ADARB2: variants seen among roughly 807,000 people sequenced by gnomAD.
The protein encoded by ADARB2 is adenosine deaminase RNA specific B2 (inactive), also known as inactive double-stranded RNA-specific editase B2.
A neutral mutation model predicts 62.2 loss-of-function variants in ADARB2; 25 were observed. The ratio of observed to expected loss-of-function variants is 0.40; its 90% CI spans 0.29 to 0.56. The LOEUF (loss-of-function observed/expected upper bound fraction) is 0.56. Among genes scored for constraint, ADARB2 ranks in the 20% least tolerant of loss-of-function variants. The pLI, the probability that ADARB2 is intolerant of heterozygous loss-of-function variation, is 0.43. For missense variants in ADARB2, 1,071 were observed against 1,077.4 expected, an observed-to-expected ratio of 0.99 and a Z score of 0.08; for synonymous variants, 572 against 500.8, an observed-to-expected ratio of 1.14 and a Z score of -1.90.
intron 8 of ADARB2, among the ~76,000 whole-genome samples, chr10:1,189,756 G>A (rs1352734369): frequency 6.7e-6 from 1 of 149,914 alleles, no homozygotes; most frequent in Non-Finnish European, 1.5e-5. Context: ...AACACGTGGC[G>A]CTACCTCCTT....
chr10:1,681,115 C>G (rs987520044), intron 1 of ADARB2, among the ~76,000 whole-genome samples: 1 of 152,234 alleles, frequency 6.6e-6, no homozygotes, highest in African/African-American at 2.4e-5. Context: ...AAGGACGCAG[C>G]AACCTCATCT....
At chr10:1,313,788 T>C (rs962537146) in intron 3 of ADARB2, among the ~76,000 whole-genome samples, 2 of 152,186 alleles carry the variant, frequency 1.3e-5, no homozygotes, top group Non-Finnish European at 2.9e-5. Context: ...GTGCAGAGGT[T>C]TCACAGAAAC....
At chr10:1,484,460 T>A (rs371070966) in intron 1 of ADARB2, among the ~76,000 whole-genome samples, 1 of 152,372 alleles carries the variant, frequency 6.6e-6, no homozygotes, top group South Asian at 2.1e-4. Context: ...CACGCTGTCG[T>A]CCCTTCCTGT....
At chr10:1,575,577 G>A (rs1832999629) in intron 1 of ADARB2, among the ~76,000 whole-genome samples, 3 of 152,214 alleles carry the variant, frequency 2.0e-5, no homozygotes, top group African/African-American at 2.4e-5. Flanking sequence ...AGACACATGC[G>A]TGCAGACGCT....
chr10:1,413,751 C>T (rs993600322), intron 1 of ADARB2, among the ~76,000 whole-genome samples: 6 of 152,162 alleles, frequency 3.9e-5, no homozygotes, highest in Non-Finnish European at 5.9e-5. Context: ...ATGATGCTCC[C>T]GGGCACAATG....
At chr10:1,248,241 C>T (rs540606543) in intron 4 of ADARB2, among the ~76,000 whole-genome samples, 3 of 150,378 alleles carry the variant, frequency 2.0e-5, no homozygotes, top group Non-Finnish European at 4.4e-5. Flanking sequence ...CACTCCCAGG[C>T]GTGCAGGAGG....
At chr10:1,650,435 G>A (rs1834095510) in intron 1 of ADARB2, among the ~76,000 whole-genome samples, 1 of 152,170 alleles carries the variant, frequency 6.6e-6, no homozygotes, top group South Asian at 2.1e-4. Context: ...ACTGAAGGGG[G>A]TGGAGAATGG....
intron 4 of ADARB2, among the ~76,000 whole-genome samples, chr10:1,252,547 G>C (rs1172314195): frequency 3.3e-5 from 5 of 152,130 alleles, no homozygotes; most frequent in Non-Finnish European, 7.3e-5. Flanking sequence ...TCTCCTTGTG[G>C]TTGGTATTCT....
At chr10:1,480,799 A>G (rs1279179710) in intron 1 of ADARB2, among the ~76,000 whole-genome samples, 2 of 152,236 alleles carry the variant, frequency 1.3e-5, no homozygotes, top group Non-Finnish European at 2.9e-5. Context: ...ACTGAAAACT[A>G]CAAAACATTG....
intron 1 of ADARB2, among the ~76,000 whole-genome samples, chr10:1,422,352 G>C (rs1487349963): frequency 6.6e-6 from 1 of 152,202 alleles, no homozygotes; most frequent in Non-Finnish European, 1.5e-5. Flanking sequence ...GGTGGAATAA[G>C]GACTCGGGAG....
chr10:1,576,168 TTC>T (rs1833018484), intron 1 of ADARB2, among the ~76,000 whole-genome samples: 1 of 41,580 alleles, frequency 2.4e-5, no homozygotes, highest in African/African-American at 1.0e-4. Context: ...AGGAGGGGGG[TTC>T]AGGGTCACAG....
intron 1 of ADARB2, among the ~76,000 whole-genome samples, chr10:1,670,473 T>A (rs1402506737): frequency 1.3e-5 from 2 of 152,226 alleles, no homozygotes; most frequent in African/African-American, 4.8e-5. Flanking sequence ...TTGGCTTCCC[T>A]TGAAACACCA....
At chr10:1,715,743 G>A (rs1835008679) in intron 1 of ADARB2, among the ~76,000 whole-genome samples, 1 of 152,242 alleles carries the variant, frequency 6.6e-6, no homozygotes, top group African/African-American at 2.4e-5. Flanking sequence ...CACTCCTGGA[G>A]CGACCAGCTG....
At chr10:1,505,228 C>T (rs933893138) in intron 1 of ADARB2, among the ~76,000 whole-genome samples, 4 of 152,172 alleles carry the variant, frequency 2.6e-5, no homozygotes, top group Admixed American at 2.6e-4. Flanking sequence ...CACAGAAACA[C>T]ACACACCAAT....
intron 4 of ADARB2, among the ~76,000 whole-genome samples, chr10:1,246,238 C>T (rs1221124598): frequency 6.6e-6 from 1 of 151,628 alleles, no homozygotes; most frequent in Non-Finnish European, 1.5e-5. Flanking sequence ...TGGATATTAG[C>T]CCTTTGTCAG....
At chr10:1,510,132 C>CTTTCTT (rs1382376163) in intron 1 of ADARB2, among the ~76,000 whole-genome samples, 1 of 123,750 alleles carries the variant, frequency 8.1e-6, no homozygotes, top group Non-Finnish European at 1.6e-5. Flanking sequence ...TTCTTTCTTT[C>CTTTCTT]TTTCTTTCTT....
chr10:1,233,802 T>C lies in ADARB2; in HGVS notation c.1405A>G (p.Lys469Glu). 9 of 1,614,002 alleles carry C rather than the reference T, an allele frequency of 5.6e-6. No homozygotes were observed. The highest frequency in any genetic ancestry group is 1.1e-5 in the South Asian group (1 of 91,066). The change falls in exon 6 of 10, where the codon AAA becomes GAA. Residue 469 changes from lysine (K) to glutamate (E), a missense_variant. Coordinates refer to ENST00000381312, the MANE Select transcript of ADARB2 (RefSeq NM_018702.4). ...TCTCGCAGCCGGTAGCCACCTTCTTTTAACCGCACGAATATCGATCGCTCT... is the reference window on the plus strand; with the variant it reads ...TCTCGCAGCCGGTAGCCACCTTCTTCTAACCGCACGAATATCGATCGCTCT... ...DSERSIFVRL[K>E]EGGYRLRENI...
At chr10:1,200,302 C>G in intron 7 of ADARB2, 155 bp from the exon 8 acceptor site, 1 of 932,396 alleles carries the variant, frequency 1.1e-6, no homozygotes, top group South Asian at 1.4e-5. Context: ...CCCAACCCAG[C>G]CATCACTGGG....
intron 1 of ADARB2, among the ~76,000 whole-genome samples, chr10:1,422,447 G>T (rs540557892): frequency 5.9e-5 from 9 of 152,166 alleles, no homozygotes; most frequent in Non-Finnish European, 1.3e-4. Flanking sequence ...GGCACAGGTG[G>T]ACCTCAACCC....
Sources: allele counts gnomAD v4.1 joint callset (sites outside exome capture counted in the v4.1 genomes callset), GRCh38; gene constraint gnomAD v4.1.1; transcripts MANE v1.5; gene names NCBI Gene and HGNC (gene_info 2026-07-23, HGNC 2026-07-21).